TTC28: variants seen among roughly 807,000 people sequenced by gnomAD.
TTC28 encodes tetratricopeptide repeat protein 28.
In TTC28, 61 loss-of-function variants were observed where a neutral mutation model predicts 198.0. That is an observed-to-expected ratio of 0.31 (90% confidence interval 0.25 to 0.38). TTC28 has a LOEUF of 0.38. Among genes scored for constraint, TTC28 ranks in the 10% least tolerant of loss-of-function variants. The probability of loss-of-function intolerance (pLI) is 1.00; values close to 1 mark genes in which losing one functional copy is unlikely to be tolerated. For missense variants in TTC28, 2,678 were observed against 3,164.0 expected, an observed-to-expected ratio of 0.85 and a Z score of 3.69; for synonymous variants, 1,171 against 1,297.8, an observed-to-expected ratio of 0.90 and a Z score of 2.10.
chr22:28,237,534 C>T (rs1929339873), intron 5 of TTC28, among the ~76,000 whole-genome samples: 1 of 152,088 alleles, frequency 6.6e-6, no homozygotes. Context: ...TCATTTCTCC[C>T]TCTTATTCTT....
chr22:28,039,150 C>A (rs1939500021), intron 12 of TTC28, among the ~76,000 whole-genome samples: 1 of 152,176 alleles, frequency 6.6e-6, no homozygotes, highest in Non-Finnish European at 1.5e-5. Context: ...TACCATTTGA[C>A]CCAGCCATCC....
intron 5 of TTC28, among the ~76,000 whole-genome samples, chr22:28,278,123 T>C (rs529802404): frequency 2.6e-4 from 40 of 152,166 alleles, no homozygotes; most frequent in African/African-American, 9.4e-4. Context: ...CTAATATGGG[T>C]GTAGCATATG....
At chr22:28,596,475 CCTAGTAGATGGCA>C (rs2050545637) in intron 2 of TTC28, among the ~76,000 whole-genome samples, 3 of 152,030 alleles carry the variant, frequency 2.0e-5, no homozygotes, top group Admixed American at 2.0e-4. Flanking sequence ...GCTGTATTTG[CCTAGTAGATGGCA>C]CTAAAAGGAA....
chr22:28,557,097 T>C (rs927250943), intron 2 of TTC28, among the ~76,000 whole-genome samples: 3 of 152,230 alleles, frequency 2.0e-5, no homozygotes, highest in East Asian at 1.9e-4. Flanking sequence ...TTCGGGATCA[T>C]CTTGGAGGCT....
At chr22:28,537,229 C>T (rs1237836448) in intron 2 of TTC28, among the ~76,000 whole-genome samples, 1 of 150,552 alleles carries the variant, frequency 6.6e-6, no homozygotes, top group African/African-American at 2.4e-5. Context: ...GAAGGCAGAG[C>T]TTGCAGTGAG....
intron 2 of TTC28, among the ~76,000 whole-genome samples, chr22:28,362,533 T>G (rs1160572386): frequency 1.3e-5 from 2 of 152,158 alleles, no homozygotes; most frequent in Non-Finnish European, 2.9e-5. Context: ...AATGTGGAAG[T>G]GACTTTAGAA....
intron 5 of TTC28, among the ~76,000 whole-genome samples, chr22:28,200,379 T>G (rs1248636352): frequency 3.3e-5 from 5 of 152,164 alleles, no homozygotes; most frequent in Non-Finnish European, 7.3e-5. Context: ...CTTTACAAAT[T>G]TCCTACAACA....
intron 2 of TTC28, among the ~76,000 whole-genome samples, chr22:28,611,714 T>C (rs1390399292): frequency 5.1e-5 from 7 of 138,418 alleles, no homozygotes; most frequent in Non-Finnish European, 9.3e-5. Flanking sequence ...TGTGTCCATG[T>C]GATCTCATTG....
At chr22:28,375,608 T>C (rs371057692) in intron 2 of TTC28, among the ~76,000 whole-genome samples, 1 of 152,226 alleles carries the variant, frequency 6.6e-6, no homozygotes, top group African/African-American at 2.4e-5. Flanking sequence ...TGCTTTTTAA[T>C]ACTTCTGTGA....
chr22:28,661,919 T>C (rs1403552852), intron 1 of TTC28, among the ~76,000 whole-genome samples: 1 of 151,990 alleles, frequency 6.6e-6, no homozygotes, highest in Admixed American at 6.6e-5. Flanking sequence ...AAAAATATAT[T>C]TTAGAGACTG....
intron 12 of TTC28, among the ~76,000 whole-genome samples, chr22:28,080,404 T>G (rs1022277589): frequency 2.0e-5 from 3 of 152,234 alleles, no homozygotes; most frequent in African/African-American, 7.2e-5. Flanking sequence ...GGTTTCTCAT[T>G]ATGCTGTTGA....
intron 3 of TTC28, among the ~76,000 whole-genome samples, chr22:28,304,865 T>C (rs2045105024): frequency 6.6e-6 from 1 of 151,846 alleles, no homozygotes; most frequent in Admixed American, 6.6e-5. Flanking sequence ...AACTAGAAAA[T>C]GGAAAGGAGA....
In TTC28 at chr22:28,049,811, G is replaced by A. The variant is rs1361149355; in HGVS notation, c.3933-19445C>T. Among the ~76,000 whole-genome samples the A allele has an allele frequency of 3.3e-5, 5 of 152,084 alleles. No homozygotes were observed. In the East Asian group the frequency reaches 5.8e-4, roughly 18 times the overall value. On this transcript the variant is annotated intron_variant, in intron 12 of 22. Coordinates refer to ENST00000397906, the MANE Select transcript of TTC28 (RefSeq NM_001145418.2). ...AGTGGGCTTGGCACATGAGAGCTGT[G>A]TATGGGTGTATGTTCGTGAAGAGTG...
At chr22:28,313,326 A>G (rs1387648037) in intron 2 of TTC28, among the ~76,000 whole-genome samples, 1 of 152,186 alleles carries the variant, frequency 6.6e-6, no homozygotes, top group African/African-American at 2.4e-5. Context: ...TATTCCAATC[A>G]ATAGAAAAAG....
intron 5 of TTC28, among the ~76,000 whole-genome samples, chr22:28,242,662 A>G (rs1176360464): frequency 6.6e-6 from 1 of 152,178 alleles, no homozygotes; most frequent in African/African-American, 2.4e-5. Flanking sequence ...TGTTTAATTG[A>G]AATAATATGT....
Position 28,134,211 on chromosome 22 carries a change from G to A in TTC28, c.1442-25808C>T, listed in dbSNP as rs1049607584. Among the ~76,000 whole-genome samples, 6 of 152,118 alleles carry A rather than the reference G, an allele frequency of 3.9e-5. No homozygotes were observed. In the East Asian group the frequency reaches 7.7e-4, roughly 20 times the overall value. On this transcript the variant is annotated intron_variant, in intron 6 of 22. Coordinates refer to ENST00000397906, the MANE Select transcript of TTC28 (RefSeq NM_001145418.2). Reference sequence around the variant, plus strand: ...ATCCACACCAAAATCCCATCTGTACGTCACCATCATCAAAGAGCAAAGGTA... The same window carrying A: ...ATCCACACCAAAATCCCATCTGTACATCACCATCATCAAAGAGCAAAGGTA...
intron 21 of TTC28, 75 bp from the exon 22 acceptor site, chr22:27,985,431 TC>T: frequency 5.8e-6 from 7 of 1,197,168 alleles, no homozygotes; most frequent in African/African-American, 1.5e-5. Flanking sequence ...GCTATAGGGC[TC>T]CTTGTGCAAC....
chr22:28,539,059 G>C (rs1236586616), intron 2 of TTC28, among the ~76,000 whole-genome samples: 5 of 152,188 alleles, frequency 3.3e-5, no homozygotes, highest in African/African-American at 1.2e-4. Context: ...TTGCCAGATA[G>C]ACTGCCTGTT....
intron 2 of TTC28, among the ~76,000 whole-genome samples, chr22:28,559,360 T>C (rs921398463): frequency 2.0e-5 from 3 of 152,210 alleles, no homozygotes; most frequent in East Asian, 3.8e-4. Context: ...CCAGCCACAG[T>C]AACTTCAGTT....
Sources: gnomAD v4.1 joint callset for allele counts (sites outside exome capture counted in the v4.1 genomes callset) on GRCh38, gnomAD v4.1.1 for gene constraint, MANE v1.5 for transcripts, NCBI Gene and HGNC (gene_info 2026-07-23, HGNC 2026-07-21) for gene names.